RAB31: variants seen among roughly 807,000 people sequenced by gnomAD.
RAB31 encodes the protein ras-related protein Rab-31.
Under a neutral mutation model 25.6 loss-of-function variants are expected in RAB31, and 21 were observed. The observed-to-expected ratio is 0.82, with a 90% CI of 0.58 to 1.18. The LOEUF is 1.18. Among genes scored for constraint, RAB31 ranks in the 50% most tolerant of loss-of-function variants. The probability of loss-of-function intolerance (pLI) is 0.00; values close to 1 mark genes in which losing one functional copy is unlikely to be tolerated. For synonymous variants in RAB31, 87 were observed against 84.0 expected (o/e 1.04, Z -0.20); for missense variants, 196 against 250.1 (o/e 0.78, Z 1.46).
chr18:9,801,514 C>T (rs1050641342), intron 3 of RAB31, among the ~76,000 whole-genome samples: 3 of 152,148 alleles, frequency 2.0e-5, no homozygotes, highest in Non-Finnish European at 4.4e-5. Flanking sequence ...CTCCTGACCT[C>T]AGGTGATCCA....
At chr18:9,785,585 C>T (rs986227694) in intron 2 of RAB31, among the ~76,000 whole-genome samples, 6 of 152,162 alleles carry the variant, frequency 3.9e-5, no homozygotes, top group African/African-American at 1.2e-4. Flanking sequence ...TTCTCCTGTC[C>T]TCCTTTTACC....
intron 1 of RAB31, among the ~76,000 whole-genome samples, chr18:9,719,639 G>T (rs80211329): frequency 6.6e-6 from 1 of 151,560 alleles, no homozygotes; most frequent in African/African-American, 2.4e-5. Context: ...TTATATTTTA[G>T]GACCAATGTC....
chr18:9,738,399 G>A (rs548944854), intron 1 of RAB31, among the ~76,000 whole-genome samples: 1 of 152,284 alleles, frequency 6.6e-6, no homozygotes, highest in African/African-American at 2.4e-5. Flanking sequence ...CAATCTCCAG[G>A]GAAGGGACCT....
chr18:9,813,408 A>G (rs2068584925), intron 3 of RAB31, among the ~76,000 whole-genome samples: 1 of 152,232 alleles, frequency 6.6e-6, no homozygotes, highest in African/African-American at 2.4e-5. Context: ...GTTATATTAG[A>G]GAAATGATGA....
intron 1 of RAB31, among the ~76,000 whole-genome samples, chr18:9,751,655 A>G (rs2068235625): frequency 6.6e-6 from 1 of 152,242 alleles, no homozygotes; most frequent in Non-Finnish European, 1.5e-5. Context: ...GTAGAGCAGC[A>G]CATGATTAAG....
intron 1 of RAB31, among the ~76,000 whole-genome samples, chr18:9,715,741 C>T (rs984021303): frequency 5.9e-5 from 9 of 152,010 alleles, no homozygotes; most frequent in African/African-American, 9.7e-5. Flanking sequence ...CCACGTTGGC[C>T]GGCTGGTCTC....
chr18:9,763,796 CTCA>C (rs2145485139), intron 1 of RAB31, among the ~76,000 whole-genome samples: 1 of 152,102 alleles, frequency 6.6e-6, no homozygotes, highest in Non-Finnish European at 1.5e-5. Flanking sequence ...GTCAGCTTTT[CTCA>C]TCATCAATAT....
At chr18:9,807,259 G>A (rs980397831) in intron 3 of RAB31, among the ~76,000 whole-genome samples, 1 of 152,198 alleles carries the variant, frequency 6.6e-6, no homozygotes, top group Admixed American at 6.5e-5. Flanking sequence ...CCTCAGGGCT[G>A]TGCAGCGAAG....
chr18:9,811,360 C>G (rs2068569711), intron 3 of RAB31, among the ~76,000 whole-genome samples: 1 of 152,204 alleles, frequency 6.6e-6, no homozygotes. Context: ...AGTGCCTCAC[C>G]AGCATTCCTC....
At chr18:9,814,765 A>G in intron 4 of RAB31, 1 of 178,124 alleles carries the variant, frequency 5.6e-6, no homozygotes, top group Non-Finnish European at 1.2e-5. Context: ...CAGGACTCTA[A>G]ATATATATGT....
At chr18:9,774,945 G>A (rs1166448339) in intron 1 of RAB31, 37 of 526,656 alleles carry the variant, frequency 7.0e-5, no homozygotes, top group Admixed American at 6.3e-4. Flanking sequence ...GTATGTTCAC[G>A]TACTTCTTCT....
chr18:9,798,718 G>T (rs991001016), intron 3 of RAB31, among the ~76,000 whole-genome samples: 5 of 151,656 alleles, frequency 3.3e-5, no homozygotes, highest in Non-Finnish European at 7.4e-5. Context: ...TCCCAGGCCT[G>T]GTCAATCCTC....
intron 1 of RAB31, among the ~76,000 whole-genome samples, chr18:9,740,268 C>T (rs1281776900): frequency 6.6e-6 from 1 of 152,224 alleles, no homozygotes. Flanking sequence ...TTTGTTCCTT[C>T]CTCTATAGGA....
rs182198313 is a variant in RAB31, at chr18:9,782,983, A to G, written c.119+7626A>G. On this transcript the variant is annotated intron_variant, in intron 2 of 6. Coordinates refer to ENST00000578921, the MANE Select transcript of RAB31 (RefSeq NM_006868.4). Reference sequence around the variant, plus strand: ...AAAGCTAGCAAAGACTTAAAAACCAACAACAAATCTCAGTCAACAAAAAAA... The same window carrying G: ...AAAGCTAGCAAAGACTTAAAAACCAGCAACAAATCTCAGTCAACAAAAAAA... Among the ~76,000 whole-genome samples, 30 of 152,338 alleles carry G rather than the reference A, an allele frequency of 2.0e-4. No homozygotes were observed. In the East Asian group the frequency reaches 5.8e-3, roughly 29 times the overall value.
chr18:9,842,783 T>A (rs1161796238), intron 5 of RAB31, among the ~76,000 whole-genome samples: 1 of 152,194 alleles, frequency 6.6e-6, no homozygotes, highest in African/African-American at 2.4e-5. Flanking sequence ...AGGAGTGAGG[T>A]GGACAGAGTC....
At chr18:9,803,873 G>C (rs1177331399) in intron 3 of RAB31, among the ~76,000 whole-genome samples, 1 of 152,248 alleles carries the variant, frequency 6.6e-6, no homozygotes, top group African/African-American at 2.4e-5. Context: ...CCATTTGCGG[G>C]GGTTGTGTCC....
chr18:9,769,399 G>T (rs1029377042), intron 1 of RAB31, among the ~76,000 whole-genome samples: 1 of 152,128 alleles, frequency 6.6e-6, no homozygotes, highest in African/African-American at 2.4e-5. Flanking sequence ...TCTCTTTGAA[G>T]AGGTCCTTCA....
chr18:9,711,034 C>G (rs558842041), intron 1 of RAB31, among the ~76,000 whole-genome samples: 1 of 152,108 alleles, frequency 6.6e-6, no homozygotes, highest in East Asian at 1.9e-4. Flanking sequence ...CACATCCCCT[C>G]GTTTGGCTGG....
intron 1 of RAB31, among the ~76,000 whole-genome samples, chr18:9,742,832 G>A (rs142011680): frequency 2.0e-5 from 3 of 152,162 alleles, no homozygotes; most frequent in South Asian, 2.1e-4. Context: ...GAAAGCTCAC[G>A]GCAGCAAGTG....
Sources: gnomAD v4.1 joint callset for allele counts (sites outside exome capture counted in the v4.1 genomes callset) on GRCh38, gnomAD v4.1.1 for gene constraint, MANE v1.5 for transcripts, NCBI Gene and HGNC (gene_info 2026-07-23, HGNC 2026-07-21) for gene names.